The following DLG3 variants were observed in gnomAD, a reference collection of about 807,000 sequenced individuals.
The protein encoded by DLG3 is discs large MAGUK scaffold protein 3, also known as disks large homolog 3.
In DLG3, 1 loss-of-function variant was observed where a neutral mutation model predicts 64.1. That is an observed-to-expected ratio of 0.02 (90% CI 0.01 to 0.07). The LOEUF (loss-of-function observed/expected upper bound fraction) is 0.07, where lower values mean the gene tolerates loss of function less well. Ranked by LOEUF, DLG3 falls within the 10% of genes least tolerant of loss-of-function variation. The pLI is 1.00. For synonymous variants in DLG3, 245 were observed against 259.8 expected (o/e 0.94, Z 0.55); for missense variants, 429 against 669.5 (o/e 0.64, Z 3.96).
At chrX:70,482,656 TGTG>T (rs1437354079) in intron 10 of DLG3, among the ~76,000 whole-genome samples, 1 of 88,469 alleles carries the variant, frequency 1.1e-5, no homozygotes, top group African/African-American at 4.8e-5. Context: ...AAAATACATG[TGTG>T]GTGTTTTTTT....
intron 10 of DLG3, among the ~76,000 whole-genome samples, chrX:70,486,633 G>C (rs2087257971): frequency 9.5e-6 from 1 of 105,165 alleles, no homozygotes; most frequent in Admixed American, 1.1e-4. Context: ...TAGGTATTAA[G>C]AGACAAATAC....
chrX:70,479,277 T>C lies in DLG3; in HGVS notation c.1520+13T>C. ...CCTTGTATGTCAGGTAAGTTGCCCT[T>C]CAGAGCACTAGCCCTTGTGCTGGAC... On this transcript the variant is annotated intron_variant, in intron 10 of 18. Coordinates refer to ENST00000374360, the MANE Select transcript of DLG3 (RefSeq NM_021120.4). The C allele has an allele frequency of 8.8e-7, 1 of 1,140,797 alleles. No individual in the cohort carries two copies. The allele number at this position is 1,140,797 out of a possible 1,213,427, so 94.0% of individuals were successfully genotyped here.
intron 9 of DLG3, among the ~76,000 whole-genome samples, chrX:70,463,668 C>G (rs62607974): frequency 0.16 from 17,546 of 110,646 alleles, 1,205 homozygotes; most frequent in Non-Finnish European, 0.2. Flanking sequence ...TATATAAAAT[C>G]TTGGCAGAGG....
chrX:70,484,062 TATTTAATTTA>T (rs202014669), intron 10 of DLG3, among the ~76,000 whole-genome samples: 4 of 112,184 alleles, frequency 3.6e-5, no homozygotes, highest in East Asian at 2.8e-4. Flanking sequence ...TCTATACTTG[TATTTAATTTA>T]ATTTAATTTA....
intron 10 of DLG3, among the ~76,000 whole-genome samples, chrX:70,481,294 C>A (rs1314405517): frequency 8.9e-6 from 1 of 112,240 alleles, no homozygotes; most frequent in Non-Finnish European, 1.9e-5. Context: ...CCCTTGATAC[C>A]AATAGTCCCT....
At chrX:70,452,472 G>C in intron 7 of DLG3, 2 of 979,741 alleles carry the variant, frequency 2.0e-6, no homozygotes, top group Middle Eastern at 8.7e-4. Flanking sequence ...GCTGGCGGCA[G>C]CGGCGGCGGC....
rs748419701 is a variant in DLG3 at position 70,495,418 on chromosome X, G to T, written c.1784G>T (p.Gly595Val). The change falls in exon 13 of 19, where the codon GGG becomes GTG. Residue 595 changes from glycine to valine, a missense_variant. Gly to Val is a moderately radical substitution (Grantham distance 109). Coordinates refer to ENST00000374360, the MANE Select transcript of DLG3 (RefSeq NM_021120.4). ...GMIESNRDFP[G>V]LSDDYYGAKN... ...TGTCTGTGAAATCAGGACTTCCCGGGGTTAAGTGACGATTATTATGGAGCA... is the reference window on the plus strand; with the variant it reads ...TGTCTGTGAAATCAGGACTTCCCGGTGTTAAGTGACGATTATTATGGAGCA... The T allele has an allele frequency of 6.6e-6, 8 of 1,208,387 alleles. No homozygotes were observed. Among genetic ancestry groups the T allele is most frequent in the African/African-American group, 1.8e-5 (1 of 56,738 alleles).
chrX:70,502,686 T>A lies in DLG3; in HGVS notation c.*417T>A, dbSNP rs1242537682. Reference sequence around the variant, plus strand: ...CCACATGATGAGATGCTCCTGGGCATTTCTCCCTATCTGTACTGCTGTCTT... The same window carrying A: ...CCACATGATGAGATGCTCCTGGGCAATTCTCCCTATCTGTACTGCTGTCTT... On this transcript the variant is annotated 3_prime_UTR_variant, in exon 19 of 19. Transcript: ENST00000374360. 5 of 158,572 alleles carry A rather than the reference T, an allele frequency of 3.2e-5. No individual in the cohort carries two copies. The highest frequency in any genetic ancestry group is 2.4e-5 in the Non-Finnish European group (2 of 84,838). The allele number at this position is 158,572 out of a possible 1,213,427, so 13.1% of individuals were successfully genotyped here.
intron 13 of DLG3, among the ~76,000 whole-genome samples, chrX:70,498,267 T>C (rs1182553146): frequency 1.8e-5 from 2 of 112,185 alleles, no homozygotes; most frequent in Non-Finnish European, 3.8e-5. Flanking sequence ...TGGTTTGGGG[T>C]GGAGGCTTCA....
Position 70,501,002 on chromosome X carries a change from C to G in DLG3, c.2347+13C>G, listed in dbSNP as rs748144716. Reference sequence around the variant, plus strand: ...GAGTACTTTACAGGTAAGACTCCTGCTGCCCTGCGGGGGGTTCTGGGGAAC... The same window carrying G: ...GAGTACTTTACAGGTAAGACTCCTGGTGCCCTGCGGGGGGTTCTGGGGAAC... On this transcript the variant is annotated intron_variant, in intron 18 of 18. Coordinates refer to ENST00000374360, the MANE Select transcript of DLG3 (RefSeq NM_021120.4). 7.8e-6 allele frequency: 9 copies of G among 1,150,404 alleles called. No individual in the cohort carries two copies. The highest frequency in any genetic ancestry group is 1.1e-5 in the Non-Finnish European group (9 of 849,981). The allele number at this position is 1,150,404 out of a possible 1,213,427, so 94.8% of individuals were successfully genotyped here.
rs11797456 is a variant in DLG3, at chrX:70,445,505, G to A, written c.304G>A (p.Gly102Ser). The part of the protein sequence containing the change: ...GKSTPKLNGS[G>S]PSWWPECTCT... ...GAGCACCCCCAAACTCAACGGCAGC[G>A]GCCCCAGCTGGTGGCCAGAGTGCAC... Residue 102 changes from glycine (G) to serine (S), a missense_variant, in exon 1 of 19, where the codon GGC becomes AGC. This residue lies in a region of DLG3 where 123 missense variants were observed against 113.3 expected (regional missense o/e 1.09). Transcript: ENST00000374360. 6,683 of 1,191,109 alleles carry A rather than the reference G, an allele frequency of 5.6e-3. 14 individuals carry two copies. The highest frequency in any genetic ancestry group is 7.0e-3 in the Non-Finnish European group (6,186 of 885,722).
chrX:70,490,024 G>A (rs2087329808), intron 10 of DLG3, among the ~76,000 whole-genome samples: 1 of 109,629 alleles, frequency 9.1e-6, no homozygotes, highest in Non-Finnish European at 1.9e-5. Context: ...TACCATGCCC[G>A]GCCAATTTTT....
At position 70,454,298 on chromosome X, in the gene DLG3, G is replaced by A; in HGVS notation, c.1387G>A (p.Ala463Thr). The A allele has an allele frequency of 8.3e-7, 1 of 1,210,089 alleles. No homozygotes were observed. The highest frequency in any genetic ancestry group is 1.1e-6 in the Non-Finnish European group (1 of 894,022). Residue 463 changes from alanine to threonine, a missense_variant, in exon 9 of 19, where the codon GCC becomes ACC. Around this residue, in one of 9 missense-constraint regions of DLG3, gnomAD observed 46 missense variants for 52.3 expected, o/e 0.88. Coordinates refer to ENST00000374360, the MANE Select transcript of DLG3 (RefSeq NM_021120.4). ...KRAGQSVTIVAQYRPEEYSRF... is the reference protein window; with the variant it reads ...KRAGQSVTIVTQYRPEEYSRF... ...GGCCGGCCAGTCAGTCACCATTGTG[G>A]CCCAGTACAGACCTGAAGGTAGGAG...
intron 10 of DLG3, among the ~76,000 whole-genome samples, chrX:70,485,689 A>G (rs2087242547): frequency 8.9e-6 from 1 of 112,258 alleles, no homozygotes; most frequent in Non-Finnish European, 1.9e-5. Flanking sequence ...CGGTTCATTA[A>G]GACATCACGG....
chrX:70,478,613 T>C (rs145790407), intron 9 of DLG3, among the ~76,000 whole-genome samples: 1 of 111,812 alleles, frequency 8.9e-6, no homozygotes, highest in East Asian at 2.8e-4. Flanking sequence ...CTGTACTGGG[T>C]TCCAATATCA....
At chrX:70,450,579 A>G in intron 5 of DLG3, 60 bp from the exon 6 acceptor site, 1 of 1,186,277 alleles carries the variant, frequency 8.4e-7, no homozygotes, top group Non-Finnish European at 1.1e-6. Context: ...GCATCCCTCG[A>G]GTTCCCTGGA....
At chrX:70,490,488 T>C (rs2087339411) in intron 10 of DLG3, among the ~76,000 whole-genome samples, 1 of 112,136 alleles carries the variant, frequency 8.9e-6, no homozygotes, top group East Asian at 2.8e-4. Flanking sequence ...CCTTACTGCT[T>C]TGAGTGTGTA....
At chrX:70,479,671 G>A (rs188778461) in intron 10 of DLG3, among the ~76,000 whole-genome samples, 9 of 111,167 alleles carry the variant, frequency 8.1e-5, no homozygotes, top group East Asian at 2.8e-4. Context: ...AGCAACTATC[G>A]CAGTGTTCTG....
At chrX:70,447,361 A>G (rs1410111748) in intron 1 of DLG3, among the ~76,000 whole-genome samples, 1 of 112,050 alleles carries the variant, frequency 8.9e-6, no homozygotes, top group Non-Finnish European at 1.9e-5. Context: ...GTTGCATGGT[A>G]CTTAAGGCAG....
Sources: gnomAD v4.1 joint callset for allele counts (sites outside exome capture counted in the v4.1 genomes callset) on GRCh38, gnomAD v4.1.1 for gene constraint, gnomAD v4.1.1 regional missense constraint, MANE v1.5 for transcripts, NCBI Gene and HGNC (gene_info 2026-07-23, HGNC 2026-07-21) for gene names.